Variants in SCN7A observed in about 807,000 individuals in gnomAD.
SCN7A encodes sodium channel protein type 7 subunit alpha.
A neutral mutation model predicts 155.2 loss-of-function variants in SCN7A; 138 were observed. The observed-to-expected ratio is 0.89, with a 90% CI of 0.77 to 1.02. The LOEUF (loss-of-function observed/expected upper bound fraction) is 1.02. Among genes scored for constraint, SCN7A ranks in the 50% least tolerant of loss-of-function variants. SCN7A has a pLI of 0.00. For synonymous variants in SCN7A, 693 were observed against 649.0 expected (o/e 1.07, Z -1.03); for missense variants, 2,058 against 1,986.6 (o/e 1.04, Z -0.68).
chr2:166,432,869 CAAG>C lies in SCN7A; in HGVS notation c.2158-120_2158-118del, dbSNP rs369498079. On this transcript the variant is annotated intron_variant, in intron 15 of 25. Coordinates refer to ENST00000643258, the MANE Select transcript of SCN7A (RefSeq NM_002976.4). ...TAATATCTACTCTGTTAGCATTTTTCAAGAATACAATATATTGTAATTAATAAC... is the reference window on the plus strand; with the variant it reads ...TAATATCTACTCTGTTAGCATTTTTCAATACAATATATTGTAATTAATAAC... The C allele has an allele frequency of 5.1e-4, 348 of 681,174 alleles. 5 individuals are homozygous for C. The South Asian group carries it at 7.3e-3, about 14-fold the overall frequency. The allele number at this position is 681,174 out of a possible 1,614,324, so 42.2% of individuals were successfully genotyped here.
intron 14 of SCN7A, among the ~76,000 whole-genome samples, chr2:166,442,925 T>C (rs1222297503): frequency 6.6e-6 from 1 of 152,190 alleles, no homozygotes; most frequent in Non-Finnish European, 1.5e-5. Flanking sequence ...ATGGACTTAA[T>C]TGTTCTTAAT....
At chr2:166,468,627 G>A (rs1294129630) in intron 7 of SCN7A, among the ~76,000 whole-genome samples, 11 of 151,958 alleles carry the variant, frequency 7.2e-5, no homozygotes, top group Non-Finnish European at 4.4e-5. Context: ...TTCAGAGCTC[G>A]TTGCAATTAC....
intron 20 of SCN7A, among the ~76,000 whole-genome samples, chr2:166,418,852 T>A (rs1701447675): frequency 6.6e-6 from 1 of 152,192 alleles, no homozygotes; most frequent in Non-Finnish European, 1.5e-5. Context: ...TCATTAATTT[T>A]GTAAGCATGT....
At chr2:166,480,441 G>A (rs1336519434) in intron 2 of SCN7A, among the ~76,000 whole-genome samples, 1 of 144,580 alleles carries the variant, frequency 6.9e-6, no homozygotes, top group East Asian at 2.0e-4. Context: ...CTGGGTGAAA[G>A]AGCGAGACTC....
intron 25 of SCN7A, among the ~76,000 whole-genome samples, chr2:166,407,422 G>A (rs1348734365): frequency 6.6e-6 from 1 of 151,912 alleles, no homozygotes; most frequent in Non-Finnish European, 1.5e-5. Context: ...AGAAGGTAGT[G>A]GAAGAAGGAA....
chr2:166,449,407 C>T (rs1702132068), intron 11 of SCN7A, among the ~76,000 whole-genome samples: 1 of 152,054 alleles, frequency 6.6e-6, no homozygotes, highest in African/African-American at 2.4e-5. Flanking sequence ...AATACCCAAC[C>T]CAACATTCTG....
chr2:166,487,645 C>A (rs1179725823), intron 1 of SCN7A, among the ~76,000 whole-genome samples: 1 of 152,168 alleles, frequency 6.6e-6, no homozygotes, highest in Admixed American at 6.5e-5. Context: ...GGAGACAAAA[C>A]AAATGTTAGA....
At chr2:166,453,029 G>A (rs1176415413) in intron 11 of SCN7A, among the ~76,000 whole-genome samples, 2 of 152,048 alleles carry the variant, frequency 1.3e-5, no homozygotes, top group Admixed American at 6.6e-5. Flanking sequence ...TTGCCTTGTT[G>A]TGTTATCTAT....
chr2:166,419,106 T>C (rs72623153), intron 20 of SCN7A, among the ~76,000 whole-genome samples: 18,051 of 152,204 alleles, frequency 0.12, 1,115 homozygotes, highest in East Asian at 0.22. Context: ...TTTCTCTAAA[T>C]TGGGGCAGAC....
At chr2:166,448,071 A>G (rs1702104433) in intron 11 of SCN7A, among the ~76,000 whole-genome samples, 1 of 152,112 alleles carries the variant, frequency 6.6e-6, no homozygotes, top group Admixed American at 6.6e-5. Context: ...CTATTTAACC[A>G]TATTTTTTGT....
At chr2:166,414,181 AT>A (rs1575003488) in intron 21 of SCN7A, among the ~76,000 whole-genome samples, 4 of 51,076 alleles carry the variant, frequency 7.8e-5, no homozygotes, top group South Asian at 5.4e-4. Flanking sequence ...ATATGTAAAT[AT>A]ATATAATATA....
At chr2:166,423,460 T>C in intron 18 of SCN7A, 28 bp from the exon 19 acceptor site, 2 of 1,491,324 alleles carry the variant, frequency 1.3e-6, no homozygotes, top group Non-Finnish European at 1.8e-6. Context: ...AAAATAAGGA[T>C]TAGGTGTACA....
At chr2:166,471,724 G>GT (rs1702659981) in intron 6 of SCN7A, among the ~76,000 whole-genome samples, 1 of 76,600 alleles carries the variant, frequency 1.3e-5, no homozygotes, top group Non-Finnish European at 2.8e-5. Context: ...TCCAGAAAAT[G>GT]TGGGGGGGGG....
intron 6 of SCN7A, among the ~76,000 whole-genome samples, chr2:166,471,646 A>G (rs1365107194): frequency 6.6e-6 from 1 of 150,618 alleles, no homozygotes; most frequent in Non-Finnish European, 1.5e-5. Context: ...CCATAGCTAG[A>G]AAACAGAATA....
chr2:166,444,360 C>T (rs1702018627), intron 13 of SCN7A, among the ~76,000 whole-genome samples: 1 of 152,166 alleles, frequency 6.6e-6, no homozygotes, highest in Non-Finnish European at 1.5e-5. Context: ...ACAGGGCCAA[C>T]TGCTGTTTTA....
chr2:166,472,839 C>T (rs190670433), intron 5 of SCN7A, among the ~76,000 whole-genome samples: 1 of 151,868 alleles, frequency 6.6e-6, no homozygotes, highest in East Asian at 1.9e-4. Flanking sequence ...GCTATTTGGG[C>T]TCCTTTTTGG....
chr2:166,493,503 T>C (rs1683161120), intron 1 of SCN7A, among the ~76,000 whole-genome samples: 1 of 152,206 alleles, frequency 6.6e-6, no homozygotes, highest in African/African-American at 2.4e-5. Context: ...GCCAATCACA[T>C]CAATGCCTCT....
intron 11 of SCN7A, among the ~76,000 whole-genome samples, chr2:166,449,185 G>A (rs1307082762): frequency 6.6e-6 from 1 of 151,678 alleles, no homozygotes; most frequent in Non-Finnish European, 1.5e-5. Flanking sequence ...GTGATCAGAT[G>A]TAAAACAGTA....
At chr2:166,422,767 A>T (rs183944980) in intron 19 of SCN7A, among the ~76,000 whole-genome samples, 50 of 152,294 alleles carry the variant, frequency 3.3e-4, no homozygotes, top group Admixed American at 1.6e-3. Flanking sequence ...GCTGACTTCC[A>T]TTTCACAACA....
Sources: gnomAD v4.1 joint callset for allele counts (sites outside exome capture counted in the v4.1 genomes callset) on GRCh38, gnomAD v4.1.1 for gene constraint, MANE v1.5 for transcripts, NCBI Gene and HGNC (gene_info 2026-07-23, HGNC 2026-07-21) for gene names.